LGR5: variants seen among roughly 807,000 people sequenced by gnomAD.
LGR5 encodes the protein leucine rich repeat containing G protein-coupled receptor 5, also known as leucine-rich repeat-containing G protein-coupled receptor 5.
In LGR5, 54 loss-of-function variants were observed where a neutral mutation model predicts 76.7. That is an observed-to-expected ratio of 0.70 (90% confidence interval 0.57 to 0.88). The LOEUF is 0.88. LGR5 is among the 40% of genes least tolerant of loss of function. The probability of loss-of-function intolerance (pLI) is 0.00; values close to 1 mark genes in which losing one functional copy is unlikely to be tolerated. For synonymous variants in LGR5, 406 were observed against 421.9 expected (o/e 0.96, Z 0.46); for missense variants, 1,078 against 1,073.3 (o/e 1.00, Z -0.06).
intron 1 of LGR5, chr12:71,441,697 C>T (rs1871776178): frequency 6.6e-6 from 1 of 152,174 alleles, no homozygotes; most frequent in Non-Finnish European, 1.5e-5. Context: ...CAGGTCGCCT[C>T]CTCCTCTACC....
intron 4 of LGR5, among the ~76,000 whole-genome samples, chr12:71,542,041 A>G (rs949959326): frequency 6.6e-6 from 1 of 152,194 alleles, no homozygotes; most frequent in African/African-American, 2.4e-5. Flanking sequence ...GAAAGAAATA[A>G]ATGAAAGAAG....
chr12:71,454,750 G>C (rs2137215859), intron 1 of LGR5, among the ~76,000 whole-genome samples: 1 of 148,716 alleles, frequency 6.7e-6, no homozygotes, highest in Non-Finnish European at 1.5e-5. Flanking sequence ...AGATCCACAA[G>C]GCACACACAC....
chr12:71,440,425 G>T lies in LGR5; in HGVS notation c.212+133G>T. The T allele has an allele frequency of 1.2e-6, 1 of 822,102 alleles. No homozygotes were observed. The highest frequency in any genetic ancestry group is 2.0e-6 in the Non-Finnish European group (1 of 504,656). The allele number at this position is 822,102 out of a possible 1,614,324, so 50.9% of individuals were successfully genotyped here. A position where few individuals can be genotyped will look rare whatever the true frequency, so the allele number is the denominator to read the frequency against. ...GGGCGAGTTTGTCAAGGGCATCCTGGCCAGGCCTGTTAGGGCCCCCAGAGA... is the reference window on the plus strand; with the variant it reads ...GGGCGAGTTTGTCAAGGGCATCCTGTCCAGGCCTGTTAGGGCCCCCAGAGA... On this transcript the variant is annotated intron_variant, in intron 1 of 17. Coordinates refer to ENST00000266674, the MANE Select transcript of LGR5 (RefSeq NM_003667.4). This position sits in a 1 kb window ranked among gnomAD's most constrained non-coding sequence, Gnocchi z 5.3.
In LGR5 at chr12:71,566,887, A is replaced by C. The variant is rs761993414; in HGVS notation, c.1045A>C (p.Asn349His). Residue 349 changes from asparagine (N) to histidine (H), a missense_variant, in exon 11 of 18, where the codon AAT (asparagine) becomes CAT (histidine). Transcript: ENST00000266674. Reference protein sequence around the residue: ...QISSLPQTVCNQLPNLQVLDL... With the variant: ...QISSLPQTVCHQLPNLQVLDL... The stretch of plus-strand genomic sequence containing the variant: ...CTCATCTCTTCCTCAAACCGTCTGC[A>C]ATCAGTTACCTAATCTCCAAGTGCT... The C allele has an allele frequency of 6.2e-7, 1 of 1,613,726 alleles. No individual in the cohort carries two copies. Among genetic ancestry groups the C allele is most frequent in the Admixed American group, 1.7e-5 (1 of 60,010 alleles).
At chr12:71,518,237 T>C (rs1214164308) in intron 2 of LGR5, among the ~76,000 whole-genome samples, 1 of 151,542 alleles carries the variant, frequency 6.6e-6, no homozygotes, top group Non-Finnish European at 1.5e-5. Context: ...AGCCAACAAG[T>C]ATATGAAAAA....
chr12:71,519,124 C>T (rs1239418966), intron 2 of LGR5, among the ~76,000 whole-genome samples: 2 of 152,144 alleles, frequency 1.3e-5, no homozygotes, highest in East Asian at 3.9e-4. Context: ...TACCTCCTGC[C>T]ATCCTCCTCC....
At chr12:71,480,070 A>C (rs969232155) in intron 1 of LGR5, among the ~76,000 whole-genome samples, 3 of 152,110 alleles carry the variant, frequency 2.0e-5, no homozygotes, top group African/African-American at 7.2e-5. Flanking sequence ...AACACTTAAG[A>C]ATGAGGAAGG....
At chr12:71,468,321 T>C (rs962750447) in intron 1 of LGR5, among the ~76,000 whole-genome samples, 3 of 152,198 alleles carry the variant, frequency 2.0e-5, no homozygotes, top group Admixed American at 2.0e-4. Flanking sequence ...AAAGTTTCAG[T>C]AATTCACTAA....
In LGR5 at chr12:71,580,441, A is replaced by G. The variant is rs371298705; in HGVS notation, c.1552+18A>G. 3 of 1,606,694 alleles carry G rather than the reference A, an allele frequency of 1.9e-6. No homozygotes were observed. The highest frequency in any genetic ancestry group is 8.5e-7 in the Non-Finnish European group (1 of 1,176,516). On this transcript the variant is annotated intron_variant, in intron 16 of 17. Transcript: ENST00000266674. ...GGCTCAAGGTAGGACTTGCTATGCC[A>G]TGGTAATGAAATTGTGTTGTGTTCA...
rs1429691992 is a variant in LGR5 at position 71,444,846 on chromosome 12, CCAAA to C, written c.212+4558_212+4561del. ...CTATCAAAGGCATAGAAATTTCAGACCAAACAATTAACCCAATAAAGCTATCAAA... is the reference window on the plus strand; with the variant it reads ...CTATCAAAGGCATAGAAATTTCAGACCAATTAACCCAATAAAGCTATCAAA... On this transcript the variant is annotated intron_variant, in intron 1 of 17. Coordinates refer to ENST00000266674, the MANE Select transcript of LGR5 (RefSeq NM_003667.4). 3.3e-5 allele frequency among the ~76,000 whole-genome samples: 5 copies of C among 151,932 alleles called. 1 individual carries two copies. Among genetic ancestry groups the C allele is most frequent in the Admixed American group, 6.6e-5 (1 of 15,258 alleles).
rs1878347656 is a variant in LGR5, at chr12:71,566,461, T to C, written c.915T>C (p.Pro305=). The C allele has an allele frequency of 3.1e-6, 5 of 1,603,952 alleles. No homozygotes were observed. Among genetic ancestry groups the C allele is most frequent in the Admixed American group, 1.7e-5 (1 of 59,956 alleles). ...FVGRSAFQHL[P]ELRTLTLNGA... is the part of the protein sequence containing the mutation. The stretch of plus-strand genomic sequence containing the variant: ...GGAGATCTGCTTTTCAACATTTACC[T>C]GAACTAAGAACACTGTAAGTTTCTA... The change falls in exon 9 of 18, where the codon CCT becomes CCC. Residue 305 remains proline (P), a synonymous_variant. Transcript: ENST00000266674.
chr12:71,566,801 G>A, intron 10 of LGR5, 40 bp from the exon 11 acceptor site: 1 of 1,590,498 alleles, frequency 6.3e-7, no homozygotes, highest in Non-Finnish European at 8.6e-7. Context: ...ACTGTGTGAT[G>A]CCTGAATGAA....
At chr12:71,445,057 T>G (rs978080000) in intron 1 of LGR5, among the ~76,000 whole-genome samples, 6 of 152,164 alleles carry the variant, frequency 3.9e-5, no homozygotes, top group African/African-American at 1.4e-4. Flanking sequence ...TGAAAAACAG[T>G]AGTGGGTTGT....
intron 1 of LGR5, among the ~76,000 whole-genome samples, chr12:71,453,075 T>A (rs11178805): frequency 0.06 from 9,142 of 152,234 alleles, 952 homozygotes; most frequent in African/African-American, 0.21. Flanking sequence ...TTAAACAAGA[T>A]TTCTTAATGT....
chr12:71,562,079 T>C (rs1476290443), intron 8 of LGR5, among the ~76,000 whole-genome samples: 2 of 152,218 alleles, frequency 1.3e-5, no homozygotes, highest in African/African-American at 2.4e-5. Flanking sequence ...CCAGATGTGC[T>C]AGGTATCTTT....
chr12:71,453,856 G>A (rs948984374), intron 1 of LGR5, among the ~76,000 whole-genome samples: 1 of 152,048 alleles, frequency 6.6e-6, no homozygotes. Flanking sequence ...AGAAGCAGTT[G>A]GTTCAACATA....
chr12:71,564,538 A>G (rs1310456757), intron 8 of LGR5, among the ~76,000 whole-genome samples: 2 of 31,740 alleles, frequency 6.3e-5, no homozygotes, highest in Non-Finnish European at 1.3e-4. Flanking sequence ...GTATATATGC[A>G]TATATACGTA....
chr12:71,537,575 C>G (rs1168946499), intron 4 of LGR5, among the ~76,000 whole-genome samples: 1 of 152,138 alleles, frequency 6.6e-6, no homozygotes, highest in African/African-American at 2.4e-5. Context: ...GAGTGCCCTA[C>G]CCATACATAC....
chr12:71,584,456 A>AG lies in LGR5; in HGVS notation c.2446_2447insG (p.Asn816ArgfsTer13). On this transcript the variant is annotated frameshift_variant, in exon 18 of 18. Transcript: ENST00000266674. LOFTEE classifies it high-confidence loss of function. Reference sequence around the variant, plus strand: ...GGTAGTCCCACTTCCTGCATGTCTCAATCCCCTTCTCTACATCTTGTTCAA... The same window carrying AG: ...GGTAGTCCCACTTCCTGCATGTCTCAGATCCCCTTCTCTACATCTTGTTCAA... 6.2e-7 allele frequency: 1 copy of AG among 1,614,160 alleles called. No homozygotes were observed. The highest frequency in any genetic ancestry group is 1.1e-5 in the South Asian group (1 of 91,082).
Sources: gnomAD v4.1 joint callset for allele counts (sites outside exome capture counted in the v4.1 genomes callset) on GRCh38, gnomAD v4.1.1 for gene constraint, Gnocchi (gnomAD v3.1) non-coding constraint, MANE v1.5 for transcripts, NCBI Gene and HGNC (gene_info 2026-07-23, HGNC 2026-07-21) for gene names.